Variants in MYO18B observed in about 807,000 individuals in gnomAD.
MYO18B encodes the protein unconventional myosin-XVIIIb.
A neutral mutation model predicts 273.0 loss-of-function variants in MYO18B; 204 were observed. The observed-to-expected ratio is 0.75, with a 90% CI of 0.67 to 0.84. The LOEUF (loss-of-function observed/expected upper bound fraction) is 0.84. Ranked by LOEUF, MYO18B falls within the 40% of genes least tolerant of loss-of-function variation. The pLI, the probability that MYO18B is intolerant of heterozygous loss-of-function variation, is 0.00. For synonymous variants in MYO18B, 1,330 were observed against 1,305.7 expected, an observed-to-expected ratio of 1.02 and a Z score of -0.40; for missense variants, 3,212 against 3,287.6, an observed-to-expected ratio of 0.98 and a Z score of 0.56.
At position 25,881,139 on chromosome 22, in the gene MYO18B, T is replaced by C. The variant is rs77121752; in HGVS notation, c.4314+3091T>C. ...CCCAAGTTGAGCCTGAGATGGCTCATGTGGGGATGTGGAATGAAGTTTGAG... is the reference window on the plus strand; with the variant it reads ...CCCAAGTTGAGCCTGAGATGGCTCACGTGGGGATGTGGAATGAAGTTTGAG... On this transcript the variant is annotated intron_variant, in intron 25 of 43. Transcript: ENST00000335473. Among the ~76,000 whole-genome samples, 866 of 152,384 alleles carry C rather than the reference T, an allele frequency of 5.7e-3. 13 individuals carry two copies. The highest frequency in any genetic ancestry group is 0.02 in the African/African-American group (838 of 41,588).
intron 34 of MYO18B, among the ~76,000 whole-genome samples, chr22:25,928,204 T>G (rs1287974901): frequency 6.6e-6 from 1 of 151,980 alleles, no homozygotes; most frequent in Admixed American, 6.5e-5. Context: ...AGCTTCAGTT[T>G]TATCCCAAAG....
At chr22:25,914,316 C>T (rs976082399) in intron 33 of MYO18B, among the ~76,000 whole-genome samples, 5 of 152,304 alleles carry the variant, frequency 3.3e-5, no homozygotes, top group Non-Finnish European at 7.4e-5. Context: ...CATTGATTTA[C>T]AAGTTAGTTG....
Position 26,027,756 on chromosome 22 carries a change from C to T in MYO18B, c.*12+66C>T. 6.9e-7 allele frequency: 1 copy of T among 1,453,860 alleles called. No homozygotes were observed. The highest frequency in any genetic ancestry group is 9.2e-7 in the Non-Finnish European group (1 of 1,091,254). 90.1% of individuals were successfully genotyped at this position (1,453,860 alleles called of 1,614,324 possible). A position where few individuals can be genotyped will look rare whatever the true frequency, so the allele number is the denominator to read the frequency against. On this transcript the variant is annotated intron_variant, in intron 43 of 43. Coordinates refer to ENST00000335473, the MANE Select transcript of MYO18B (RefSeq NM_032608.7). This position sits in a 1 kb window ranked among gnomAD's most constrained non-coding sequence, Gnocchi z 4.1. The stretch of plus-strand genomic sequence containing the variant: ...GTTCACCTTGCAGCCTTGGGGAGAG[C>T]AGGTGCCACTACTGTCCTTAATGCC...
intron 42 of MYO18B, among the ~76,000 whole-genome samples, chr22:26,007,028 C>T (rs1023731615): frequency 3.3e-5 from 5 of 152,156 alleles, no homozygotes; most frequent in African/African-American, 1.2e-4. Flanking sequence ...GAGCCCTATC[C>T]AGAGTCTCTT....
intron 39 of MYO18B, among the ~76,000 whole-genome samples, chr22:25,990,932 A>T (rs2093263446): frequency 6.6e-6 from 1 of 152,060 alleles, no homozygotes; most frequent in African/African-American, 2.4e-5. Flanking sequence ...TTACAAGAAA[A>T]ATCCCATCTA....
At chr22:25,829,015 T>C in intron 15 of MYO18B, 47 bp downstream of exon 15, 1 of 1,594,598 alleles carries the variant, frequency 6.3e-7, no homozygotes, top group African/African-American at 1.3e-5. Flanking sequence ...CCGTGGATGG[T>C]GTAAGGTCAG....
intron 30 of MYO18B, chr22:25,903,393 A>C: frequency 1.9e-6 from 1 of 525,024 alleles, no homozygotes; most frequent in South Asian, 2.4e-5. Context: ...TCTAGGGACA[A>C]TTTATTCCAA....
At chr22:25,915,738 T>C (rs2092252151) in intron 33 of MYO18B, among the ~76,000 whole-genome samples, 1 of 152,242 alleles carries the variant, frequency 6.6e-6, no homozygotes, top group African/African-American at 2.4e-5. Flanking sequence ...TATCCTGATA[T>C]ATTTCCCAGA....
At chr22:25,767,199 T>C (rs80294915) in intron 3 of MYO18B, among the ~76,000 whole-genome samples, 2,673 of 152,308 alleles carry the variant, frequency 0.018, 33 homozygotes, top group Non-Finnish European at 0.029. Context: ...CTTCAGGCCA[T>C]AGCCAGGCTG....
In MYO18B at chr22:25,901,938, G is replaced by A. The variant is rs5996997; in HGVS notation, c.4824-675G>A. On this transcript the variant is annotated intron_variant, in intron 29 of 43. Coordinates refer to ENST00000335473, the MANE Select transcript of MYO18B (RefSeq NM_032608.7). ...AGGGATCCTCCCACCTCAGCCTCCAGAGTAGCTGGGATTACAAGTGCATGC... is the reference window on the plus strand; with the variant it reads ...AGGGATCCTCCCACCTCAGCCTCCAAAGTAGCTGGGATTACAAGTGCATGC... Among the ~76,000 whole-genome samples, 1,488 of 151,066 alleles carry A rather than the reference G, an allele frequency of 9.8e-3. 19 individuals carry two copies. The highest frequency in any genetic ancestry group is 0.034 in the African/African-American group (1,421 of 41,196).
At chr22:25,929,389 A>T (rs2092467026) in intron 34 of MYO18B, among the ~76,000 whole-genome samples, 1 of 152,114 alleles carries the variant, frequency 6.6e-6, no homozygotes, top group Admixed American at 6.5e-5. Flanking sequence ...TTTCCACTGG[A>T]AACAAACTAA....
At chr22:25,848,801 C>G (rs1055939940) in intron 20 of MYO18B, among the ~76,000 whole-genome samples, 1 of 152,178 alleles carries the variant, frequency 6.6e-6, no homozygotes, top group African/African-American at 2.4e-5. Flanking sequence ...AGGCCATGCT[C>G]TCTGCAGAGG....
intron 38 of MYO18B, 52 bp downstream of exon 38, chr22:25,952,475 G>T: frequency 6.2e-7 from 1 of 1,601,998 alleles, no homozygotes; most frequent in Non-Finnish European, 8.5e-7. Flanking sequence ...GAGAGCTTTT[G>T]TGTAAGCTTC....
intron 34 of MYO18B, among the ~76,000 whole-genome samples, chr22:25,935,973 T>C (rs1056011453): frequency 4.6e-5 from 7 of 152,214 alleles, no homozygotes; most frequent in Admixed American, 6.5e-5. Context: ...TGAGCTCACG[T>C]GTCTGCCTCA....
intron 21 of MYO18B, among the ~76,000 whole-genome samples, chr22:25,858,816 C>T (rs549982649): frequency 1.2e-3 from 188 of 152,250 alleles, no homozygotes; most frequent in Non-Finnish European, 2.2e-3. Context: ...ATGCTCAATG[C>T]CTGGGATGCT....
At chr22:25,974,747 A>G (rs2093070658) in intron 39 of MYO18B, among the ~76,000 whole-genome samples, 1 of 152,220 alleles carries the variant, frequency 6.6e-6, no homozygotes, top group Non-Finnish European at 1.5e-5. Context: ...GGTCCCACCA[A>G]GCACTTGGAT....
chr22:26,003,432 A>G (rs1006667201), intron 41 of MYO18B, 123 bp downstream of exon 41: 7 of 822,350 alleles, frequency 8.5e-6, no homozygotes, highest in South Asian at 2.9e-5. Flanking sequence ...CATGAGACTA[A>G]TGCCTTCATG....
Position 25,908,254 on chromosome 22 carries a change from G to T in MYO18B, c.5149-68G>T. Reference sequence around the variant, plus strand: ...ATGAGAAATGCAATTGGAATGCCAAGGATGACATGGAGGGCTTGGAGAGTT... The same window carrying T: ...ATGAGAAATGCAATTGGAATGCCAATGATGACATGGAGGGCTTGGAGAGTT... On this transcript the variant is annotated intron_variant, in intron 31 of 43. Coordinates refer to ENST00000335473, the MANE Select transcript of MYO18B (RefSeq NM_032608.7). 3 of 1,249,106 alleles carry T rather than the reference G, an allele frequency of 2.4e-6. No homozygotes were observed. In the South Asian group the frequency reaches 3.9e-5, roughly 16 times the overall value. 77.4% of individuals were successfully genotyped at this position (1,249,106 alleles called of 1,614,324 possible). A position where few individuals can be genotyped will look rare whatever the true frequency, so the allele number is the denominator to read the frequency against.
intron 12 of MYO18B, among the ~76,000 whole-genome samples, chr22:25,802,184 G>T (rs561321361): frequency 2.2e-4 from 33 of 152,316 alleles, no homozygotes; most frequent in Admixed American, 6.5e-4. Context: ...TCACTAGAAT[G>T]ACTCACAGGA....
Sources: allele counts gnomAD v4.1 joint callset (sites outside exome capture counted in the v4.1 genomes callset), GRCh38; gene constraint gnomAD v4.1.1; non-coding constraint Gnocchi (gnomAD v3.1); transcripts MANE v1.5; gene names NCBI Gene and HGNC (gene_info 2026-07-23, HGNC 2026-07-21).